The following CTPS2 variants were observed in gnomAD, a reference collection of about 807,000 sequenced individuals.
The protein encoded by CTPS2 is CTP synthase II.
A neutral mutation model predicts 46.8 loss-of-function variants in CTPS2; 19 were observed. That is an observed-to-expected ratio of 0.41 (90% CI 0.28 to 0.60). CTPS2 has a LOEUF of 0.60. CTPS2 is among the 20% of genes least tolerant of loss of function. The probability of loss-of-function intolerance (pLI) is 0.35; values close to 1 mark genes in which losing one functional copy is unlikely to be tolerated. For missense variants in CTPS2, 286 were observed against 447.6 expected (o/e 0.64, Z 3.26); for synonymous variants, 151 against 165.2 (o/e 0.91, Z 0.66).
intron 17 of CTPS2, among the ~76,000 whole-genome samples, chrX:16,606,500 C>T (rs1443622700): frequency 2.7e-5 from 3 of 111,870 alleles, no homozygotes; most frequent in Non-Finnish European, 1.9e-5. Context: ...GCATTCATTA[C>T]TTTAATGGGT....
At chrX:16,593,428 CA>C (rs5901587) in intron 17 of CTPS2, among the ~76,000 whole-genome samples, 135 of 29,884 alleles carry the variant, frequency 4.5e-3, no homozygotes, top group African/African-American at 1.0e-2. Context: ...GACTCTGTCT[CA>C]AAAAAAAAAA....
intron 8 of CTPS2, among the ~76,000 whole-genome samples, chrX:16,684,610 A>G (rs1344183972): frequency 9.0e-6 from 1 of 111,688 alleles, no homozygotes; most frequent in Non-Finnish European, 1.9e-5. Context: ...ATAATGCACA[A>G]GAAGCTAAGA....
chrX:16,698,649 C>G (rs939596253), intron 3 of CTPS2, among the ~76,000 whole-genome samples: 1 of 110,586 alleles, frequency 9.0e-6, no homozygotes, highest in Admixed American at 9.7e-5. Context: ...CTCCTGGGTT[C>G]GAGCAATTCT....
intron 13 of CTPS2, 66 bp downstream of exon 13, chrX:16,667,448 A>G: frequency 8.0e-6 from 9 of 1,119,208 alleles, no homozygotes; most frequent in Non-Finnish European, 9.8e-6. Context: ...GCCCCTTATG[A>G]ATTTAGGCAA....
intron 10 of CTPS2, among the ~76,000 whole-genome samples, chrX:16,673,584 T>TAAA (rs369260548): frequency 9.8e-6 from 1 of 102,287 alleles, no homozygotes; most frequent in African/African-American, 3.5e-5. Flanking sequence ...TGTGTGATGT[T>TAAA]AAAAAAAAAA....
chrX:16,636,521 C>T (rs978422921), intron 14 of CTPS2, among the ~76,000 whole-genome samples: 18 of 112,259 alleles, frequency 1.6e-4, no homozygotes, highest in Non-Finnish European at 2.3e-4. Flanking sequence ...CAGGGGCTGG[C>T]GGGAAGTAGG....
intron 17 of CTPS2, among the ~76,000 whole-genome samples, chrX:16,601,763 T>TGG (rs1929682298): frequency 8.9e-6 from 1 of 111,925 alleles, no homozygotes. Flanking sequence ...TTTAAGTTCC[T>TGG]ACCATAGACC....
intron 14 of CTPS2, among the ~76,000 whole-genome samples, chrX:16,625,404 T>A (rs1168419883): frequency 8.9e-6 from 1 of 112,127 alleles, no homozygotes; most frequent in Non-Finnish European, 1.9e-5. Context: ...TCAGCCACTG[T>A]GTGCACTCAA....
At chrX:16,664,111 T>C (rs773976964) in intron 13 of CTPS2, among the ~76,000 whole-genome samples, 166 of 112,265 alleles carry the variant, frequency 1.5e-3, no homozygotes, top group South Asian at 6.3e-3. Flanking sequence ...GCTGGGATTA[T>C]AGGCATGAGC....
chrX:16,627,771 G>A (rs1030078631), intron 14 of CTPS2, among the ~76,000 whole-genome samples: 4 of 111,360 alleles, frequency 3.6e-5, no homozygotes, highest in Admixed American at 9.6e-5. Context: ...AGAGGCCTGG[G>A]GTAGGGTCTT....
intron 7 of CTPS2, among the ~76,000 whole-genome samples, chrX:16,690,877 T>C (rs750617450): frequency 8.9e-6 from 1 of 112,408 alleles, no homozygotes; most frequent in East Asian, 2.8e-4. Context: ...GTCAACGTGC[T>C]CGTGTGTTTG....
rs373001300 is a variant in CTPS2, at chrX:16,688,178, G to A, written c.872+1272C>T. 1.6e-4 allele frequency among the ~76,000 whole-genome samples: 18 copies of A among 111,278 alleles called. No homozygotes were observed. In the South Asian group the frequency reaches 4.1e-3, roughly 26 times the overall value. On this transcript the variant is annotated intron_variant, in intron 8 of 18. Coordinates refer to ENST00000359276, the MANE Select transcript of CTPS2 (RefSeq NM_175859.3). ...TTTGGGAGGCCTAGACAGGCGAATCGCCTGAGGTCAGAAGTTCGAGACCAG... is the reference window on the plus strand; with the variant it reads ...TTTGGGAGGCCTAGACAGGCGAATCACCTGAGGTCAGAAGTTCGAGACCAG...
intron 14 of CTPS2, among the ~76,000 whole-genome samples, chrX:16,634,957 GA>G (rs869060952): frequency 0.26 from 16,916 of 65,413 alleles, 1,475 homozygotes; most frequent in Middle Eastern, 0.4. Context: ...CTCAAAAAGA[GA>G]AAAAAAAAAA....
intron 16 of CTPS2, among the ~76,000 whole-genome samples, chrX:16,612,756 G>C (rs1930325715): frequency 8.9e-6 from 1 of 112,260 alleles, no homozygotes; most frequent in Non-Finnish European, 1.9e-5. Context: ...TCCCACAGCA[G>C]TGGTGGCAGA....
intron 16 of CTPS2, among the ~76,000 whole-genome samples, chrX:16,614,228 A>T (rs1424597545): frequency 2.7e-5 from 3 of 112,298 alleles, no homozygotes; most frequent in Non-Finnish European, 5.6e-5. Context: ...CAAGCTTGCT[A>T]TACAGTGCAC....
intron 15 of CTPS2, 115 bp from the exon 16 acceptor site, chrX:16,617,361 A>G: frequency 2.3e-6 from 1 of 440,528 alleles, no homozygotes; most frequent in Admixed American, 3.7e-5. Context: ...CTAGTAGTTA[A>G]TGTCTATATT....
At chrX:16,678,700 T>G (rs1052546504) in intron 9 of CTPS2, among the ~76,000 whole-genome samples, 1 of 110,368 alleles carries the variant, frequency 9.1e-6, no homozygotes, top group Non-Finnish European at 1.9e-5. Flanking sequence ...AAGAGAACGA[T>G]GCAGAAGTAA....
chrX:16,679,030 G>A (rs1217585661), intron 9 of CTPS2, among the ~76,000 whole-genome samples: 4 of 110,686 alleles, frequency 3.6e-5, no homozygotes, highest in Admixed American at 2.9e-4. Context: ...ATGGGAGGCA[G>A]CAGGAGACAA....
Position 16,635,144 on chromosome X carries a change from T to C in CTPS2, c.1393+4003A>G, listed in dbSNP as rs779899600. ...ATTTAAATGAAAAAAATGAGTAGCA[T>C]TTCAATGCTTTCTATCAAAATTGTT... On this transcript the variant is annotated intron_variant, in intron 14 of 18. Coordinates refer to ENST00000359276, the MANE Select transcript of CTPS2 (RefSeq NM_175859.3). Among the ~76,000 whole-genome samples, 3 of 111,683 alleles carry C rather than the reference T, an allele frequency of 2.7e-5. No individual in the cohort carries two copies. The Admixed American group carries it at 2.9e-4, about 11-fold the overall frequency.
Sources: allele counts gnomAD v4.1 joint callset (sites outside exome capture counted in the v4.1 genomes callset), GRCh38; gene constraint gnomAD v4.1.1; transcripts MANE v1.5; gene names NCBI Gene and HGNC (gene_info 2026-07-23, HGNC 2026-07-21).